Variants in MAST2 observed in about 807,000 individuals in gnomAD.
MAST2 encodes the protein microtubule-associated serine/threonine-protein kinase 2.
MAST2 carries 70 observed loss-of-function variants against 147.4 expected under a neutral mutation model. That is an observed-to-expected ratio of 0.47 (90% CI 0.39 to 0.58). The LOEUF is 0.58. MAST2 is among the 20% of genes least tolerant of loss of function. The pLI is 0.00. For missense variants in MAST2, 2,080 were observed against 2,302.3 expected, an observed-to-expected ratio of 0.90 and a Z score of 1.98; for synonymous variants, 869 against 896.8, an observed-to-expected ratio of 0.97 and a Z score of 0.55.
chr1:45,830,033 T>C (rs1251243213), intron 3 of MAST2, among the ~76,000 whole-genome samples: 2 of 151,788 alleles, frequency 1.3e-5, no homozygotes, highest in Non-Finnish European at 2.9e-5. Flanking sequence ...TTTTTTGTAT[T>C]ACTAGTAGAG....
intron 5 of MAST2, among the ~76,000 whole-genome samples, chr1:45,970,607 G>T (rs544227103): frequency 1.4e-5 from 2 of 146,272 alleles, no homozygotes; most frequent in African/African-American, 5.1e-5. Flanking sequence ...GGCAGAGCTT[G>T]CAGTGAGCCC....
At position 46,023,765 on chromosome 1, in the gene MAST2, T is replaced by A. The variant is rs767741551; in HGVS notation, c.1572-7T>A. 9.3e-6 allele frequency: 15 copies of A among 1,613,198 alleles called. No individual in the cohort carries two copies. The highest frequency in any genetic ancestry group is 1.3e-5 in the Non-Finnish European group (15 of 1,179,428). On this transcript the variant is annotated splice_polypyrimidine_tract_variant and splice_region_variant and intron_variant, in intron 14 of 28. Transcript: ENST00000361297. The surrounding 1 kb of genome is among the most constrained non-coding windows in gnomAD (Gnocchi z 4.9). Reference sequence around the variant, plus strand: ...CCATGGGGGATGGGCCGGACTTTGTTTCCCAGGGCTGTATTTCTGGTGCGG... The same window carrying A: ...CCATGGGGGATGGGCCGGACTTTGTATCCCAGGGCTGTATTTCTGGTGCGG...
chr1:45,984,497 A>C (rs1053977011), intron 5 of MAST2, among the ~76,000 whole-genome samples: 1 of 151,816 alleles, frequency 6.6e-6, no homozygotes, highest in Non-Finnish European at 1.5e-5. Context: ...GTAGAGACAG[A>C]GTCCCACTGT....
intron 4 of MAST2, among the ~76,000 whole-genome samples, chr1:45,923,940 C>T (rs1017459230): frequency 1.3e-5 from 2 of 152,086 alleles, no homozygotes; most frequent in Admixed American, 6.6e-5. Flanking sequence ...AGCATGATCT[C>T]GGCTTACTGC....
chr1:45,843,308 T>G (rs1645332996), intron 3 of MAST2, among the ~76,000 whole-genome samples: 1 of 152,212 alleles, frequency 6.6e-6, no homozygotes, highest in Non-Finnish European at 1.5e-5. Flanking sequence ...TTTCTGTTAT[T>G]GCTTATGCTT....
chr1:45,995,710 C>T (rs1645028828), intron 5 of MAST2, among the ~76,000 whole-genome samples: 1 of 152,204 alleles, frequency 6.6e-6, no homozygotes, highest in South Asian at 2.1e-4. Flanking sequence ...AGCCACTGTA[C>T]CCGGCTCCCT....
At chr1:45,888,704 T>G in intron 4 of MAST2, among the ~76,000 whole-genome samples, 1 of 103,178 alleles carries the variant, frequency 9.7e-6, no homozygotes, top group Non-Finnish European at 1.9e-5. Context: ...TTTTTTGAGA[T>G]GGAGTCTTGC....
At chr1:45,813,564 T>C (rs1218066238) in intron 1 of MAST2, among the ~76,000 whole-genome samples, 3 of 150,808 alleles carry the variant, frequency 2.0e-5, no homozygotes, top group East Asian at 1.9e-4. Flanking sequence ...AGTGGCACGA[T>C]CTTGGCTCAC....
At chr1:45,959,067 CATTAGATA>C (rs1042676951) in intron 4 of MAST2, among the ~76,000 whole-genome samples, 22 of 152,278 alleles carry the variant, frequency 1.4e-4, no homozygotes, top group African/African-American at 5.1e-4. Flanking sequence ...GGTCATTCTT[CATTAGATA>C]CTGTTTAAAA....
intron 1 of MAST2, among the ~76,000 whole-genome samples, chr1:45,805,095 G>C (rs1037330093): frequency 6.8e-6 from 1 of 147,460 alleles, no homozygotes; most frequent in Admixed American, 6.9e-5. Context: ...TGTCGCCCAG[G>C]GGAGAGTGCA....
chr1:45,893,584 TC>T (rs1255640187), intron 4 of MAST2, among the ~76,000 whole-genome samples: 1 of 142,616 alleles, frequency 7.0e-6, no homozygotes, highest in East Asian at 2.0e-4. Context: ...AAACACTTCT[TC>T]CTGTAGGATA....
At chr1:45,851,842 G>A (rs534005944) in intron 3 of MAST2, among the ~76,000 whole-genome samples, 1 of 152,118 alleles carries the variant, frequency 6.6e-6, no homozygotes, top group African/African-American at 2.4e-5. Flanking sequence ...TTTTTAAAGA[G>A]GGCAAAAAGC....
chr1:45,868,144 G>A (rs569836549), intron 3 of MAST2, among the ~76,000 whole-genome samples: 37 of 152,280 alleles, frequency 2.4e-4, no homozygotes, highest in Admixed American at 7.8e-4. Flanking sequence ...TTGAAAAGCT[G>A]TTCAAGTTGG....
At chr1:45,973,326 C>G (rs1004449765) in intron 5 of MAST2, among the ~76,000 whole-genome samples, 1 of 152,158 alleles carries the variant, frequency 6.6e-6, no homozygotes, top group African/African-American at 2.4e-5. Flanking sequence ...TAGACCTTGT[C>G]TCCATAATTT....
At chr1:46,014,271 C>A (rs1645839088) in intron 10 of MAST2, among the ~76,000 whole-genome samples, 1 of 150,720 alleles carries the variant, frequency 6.6e-6, no homozygotes, top group Non-Finnish European at 1.5e-5. Context: ...GTGTGCTGCA[C>A]CAATTAACTC....
intron 5 of MAST2, among the ~76,000 whole-genome samples, chr1:45,997,217 G>C (rs756693184): frequency 1.8e-4 from 28 of 152,170 alleles, no homozygotes; most frequent in Non-Finnish European, 3.2e-4. Flanking sequence ...CTATCTTAAG[G>C]TTTACTACTA....
intron 4 of MAST2, among the ~76,000 whole-genome samples, chr1:45,942,885 G>C (rs1657509225): frequency 6.6e-6 from 1 of 152,172 alleles, no homozygotes; most frequent in Non-Finnish European, 1.5e-5. Context: ...GGAAGGCAGA[G>C]AGTTTGTTGC....
Position 46,010,898 on chromosome 1 carries a change from T to G in MAST2, c.1147T>G (p.Phe383Val), listed in dbSNP as rs546319242. ...GAGTGGCCTCATTACATCACAATAC[T>G]TCTACGAACTTCAAGATAATTTGGA... ...SRSGLITSQY[F>V]YELQDNLEKL... The change falls in exon 10 of 29, where the codon TTC (phenylalanine) becomes GTC (valine). Residue 383 changes from phenylalanine (F) to valine (V), a missense_variant. By Grantham distance (50) the Phe-to-Val change is conservative (BLOSUM62 -1). This residue lies in a region of MAST2 where 569 missense variants were observed against 642.5 expected (regional missense o/e 0.89). Coordinates refer to ENST00000361297, the MANE Select transcript of MAST2 (RefSeq NM_015112.3). The G allele has an allele frequency of 5.1e-5, 82 of 1,614,206 alleles. No homozygotes were observed. Among genetic ancestry groups the G allele is most frequent in the Admixed American group, 1.0e-4 (6 of 60,028 alleles).
intron 5 of MAST2, among the ~76,000 whole-genome samples, chr1:45,973,853 T>G (rs1020576235): frequency 6.6e-6 from 1 of 152,234 alleles, no homozygotes; most frequent in Non-Finnish European, 1.5e-5. Flanking sequence ...TGTAGCAATG[T>G]AATGTCAGTG....
Sources: allele counts gnomAD v4.1 joint callset (sites outside exome capture counted in the v4.1 genomes callset), GRCh38; gene constraint gnomAD v4.1.1; regional missense constraint gnomAD v4.1.1; non-coding constraint Gnocchi (gnomAD v3.1); transcripts MANE v1.5; gene names NCBI Gene and HGNC (gene_info 2026-07-23, HGNC 2026-07-21).